Variants in ZNF606 observed in about 807,000 individuals in gnomAD.
The protein encoded by ZNF606 is zinc finger protein 606, also known as zinc finger protein 328.
A neutral mutation model predicts 74.9 loss-of-function variants in ZNF606; 37 were observed. That is an observed-to-expected ratio of 0.49 (90% confidence interval 0.38 to 0.65). ZNF606 has a LOEUF of 0.65. Among genes scored for constraint, ZNF606 ranks in the 30% least tolerant of loss-of-function variants. The probability of loss-of-function intolerance (pLI) is 0.00; values close to 1 mark genes in which losing one functional copy is unlikely to be tolerated. For synonymous variants in ZNF606, 328 were observed against 312.4 expected (o/e 1.05, Z -0.53); for missense variants, 852 against 952.9 (o/e 0.89, Z 1.39).
chr19:57,977,473 G>A lies in ZNF606; in HGVS notation c.*828C>T, dbSNP rs1409780326. On this transcript the variant is annotated 3_prime_UTR_variant, in exon 7 of 7. Transcript: ENST00000551380. ...TATACATTTTTTTAGATGTGTTACA[G>A]TAAGTATGTATATACAATTCTGTAT... is the stretch of plus-strand genomic sequence containing the variant. 1.3e-5 allele frequency: 2 copies of A among 152,172 alleles called. No individual in the cohort carries two copies. Among genetic ancestry groups the A allele is most frequent in the African/African-American group, 4.8e-5 (2 of 41,438 alleles). 9.4% of individuals were successfully genotyped at this position (152,172 alleles called of 1,614,324 possible). A position where few individuals can be genotyped will look rare whatever the true frequency, so the allele number is the denominator to read the frequency against.
rs2123249760 is a variant in ZNF606 at position 57,977,427 on chromosome 19, G to C, written c.*874C>G. 1 of 152,270 alleles carries C rather than the reference G, an allele frequency of 6.6e-6. No individual in the cohort carries two copies. Among genetic ancestry groups the C allele is most frequent in the East Asian group, 1.9e-4 (1 of 5,180 alleles). 9.4% of individuals were successfully genotyped at this position (152,270 alleles called of 1,614,324 possible). A position where few individuals can be genotyped will look rare whatever the true frequency, so the allele number is the denominator to read the frequency against. On this transcript the variant is annotated 3_prime_UTR_variant, in exon 7 of 7. Transcript: ENST00000551380. ...TCTCAACTGGGTTAACTTTTCCATG[G>C]ATCTTTCAGGTCCTTACCCATATAC... is the stretch of plus-strand genomic sequence containing the variant.
chr19:58,003,241 T>C (rs61744325), upstream of ZNF606: 5,206 of 456,740 alleles, frequency 0.011, 254 homozygotes, highest in African/African-American at 0.095. Context: ...TACCCTTCTC[T>C]GTGAAGCTCG....
chr19:57,978,274 T>C lies in ZNF606; in HGVS notation c.*27A>G. ...GTTTTCCTCAATGTGTTGTCAAATG[T>C]ACAAGAAACGAAAAACTCGCATAAA... On this transcript the variant is annotated 3_prime_UTR_variant, in exon 7 of 7. Coordinates refer to ENST00000551380, the MANE Select transcript of ZNF606 (RefSeq NM_001348022.3). This position sits in a 1 kb window ranked among gnomAD's most constrained non-coding sequence, Gnocchi z 4.4. 1.3e-6 allele frequency: 2 copies of C among 1,532,000 alleles called. No individual in the cohort carries two copies. The highest frequency in any genetic ancestry group is 1.8e-6 in the Non-Finnish European group (2 of 1,140,896). The allele number at this position is 1,532,000 out of a possible 1,614,324, so 94.9% of individuals were successfully genotyped here.
In ZNF606 at chr19:57,979,078, A is replaced by G; in HGVS notation, c.1602T>C (p.His534=). ...SSHLIAHMRM[H]TGEKPFKCDE... Reference sequence around the variant, plus strand: ...CACATTTAAAGGGTTTCTCTCCAGTATGCATTCTCATATGGGCAATAAGAT... The same window carrying G: ...CACATTTAAAGGGTTTCTCTCCAGTGTGCATTCTCATATGGGCAATAAGAT... Residue 534 remains histidine, a synonymous_variant, in exon 7 of 7, where the codon CAT becomes CAC. Coordinates refer to ENST00000551380, the MANE Select transcript of ZNF606 (RefSeq NM_001348022.3). 1 of 1,613,728 alleles carries G rather than the reference A, an allele frequency of 6.2e-7. No individual in the cohort carries two copies. Among genetic ancestry groups the G allele is most frequent in the Non-Finnish European group, 8.5e-7 (1 of 1,179,936 alleles).
intron 6 of ZNF606, 115 bp downstream of exon 6, chr19:57,988,092 C>T (rs1461141540): frequency 1.3e-6 from 1 of 767,516 alleles, no homozygotes; most frequent in African/African-American, 1.8e-5. Flanking sequence ...AAGAAAGCTC[C>T]TTAGAGGGAA....
chr19:57,991,275 C>T (rs2073255130), intron 4 of ZNF606, among the ~76,000 whole-genome samples: 1 of 152,168 alleles, frequency 6.6e-6, no homozygotes, highest in South Asian at 2.1e-4. Flanking sequence ...CAAGCTCTCA[C>T]CAAGATCTCC....
At chr19:57,990,051 CAAAAAAAAAAA>C (rs1159494660) in intron 4 of ZNF606, among the ~76,000 whole-genome samples, 12 of 13,840 alleles carry the variant, frequency 8.7e-4, no homozygotes, top group African/African-American at 2.0e-3. Flanking sequence ...GACTCCATCT[CAAAAAAAAAAA>C]AAAAAAAAAA....
chr19:57,980,512 T>G (rs922866790), intron 6 of ZNF606, among the ~76,000 whole-genome samples: 16 of 152,180 alleles, frequency 1.1e-4, no homozygotes, highest in Admixed American at 3.3e-4. Flanking sequence ...TTAAAAGTAC[T>G]TTCCATGAAA....
Position 57,979,675 on chromosome 19 carries a change from G to A in ZNF606, c.1005C>T (p.His335=). Residue 335 remains histidine (H), a synonymous_variant, in exon 7 of 7, where the codon CAC becomes CAT. Coordinates refer to ENST00000551380, the MANE Select transcript of ZNF606 (RefSeq NM_001348022.3). ...IFNQSPSFNE[H]PRLHVGENQY... is the part of the protein sequence containing the mutation. ...GGTTTTCTCCAACATGAAGCCTTGGGTGTTCATTAAATGATGGGCTCTGGT... is the reference window on the plus strand; with the variant it reads ...GGTTTTCTCCAACATGAAGCCTTGGATGTTCATTAAATGATGGGCTCTGGT... 3.7e-6 allele frequency: 6 copies of A among 1,613,614 alleles called. No individual in the cohort carries two copies. The highest frequency in any genetic ancestry group is 5.1e-6 in the Non-Finnish European group (6 of 1,179,962).
rs2123361225 is a variant in ZNF606 at position 58,002,577 on chromosome 19, G to A, written c.-233C>T. The A allele has an allele frequency of 2.3e-6, 1 of 437,054 alleles. No homozygotes were observed. The highest frequency in any genetic ancestry group is 4.6e-6 in the Non-Finnish European group (1 of 217,980). The allele number at this position is 437,054 out of a possible 1,614,324, so 27.1% of individuals were successfully genotyped here. A position where few individuals can be genotyped will look rare whatever the true frequency, so the allele number is the denominator to read the frequency against. On this transcript the variant is annotated 5_prime_UTR_variant, in exon 1 of 7. The change creates a new upstream start codon in the 5' untranslated region. Transcript: ENST00000551380. ...CGTGCAGCAGAGTTCACCCAGGCCC[G>A]TCCGACCAGAAAACGAAGAACGCCC...
In ZNF606 at chr19:57,983,792, G is replaced by A. The variant is rs183347312; in HGVS notation, c.401-3513C>T. Among the ~76,000 whole-genome samples, 6 of 152,206 alleles carry A rather than the reference G, an allele frequency of 3.9e-5. No homozygotes were observed. In the East Asian group the frequency reaches 9.7e-4, roughly 25 times the overall value. On this transcript the variant is annotated intron_variant, in intron 6 of 6. Coordinates refer to ENST00000551380, the MANE Select transcript of ZNF606 (RefSeq NM_001348022.3). ...CAGCATGAGCAGAGGCATGCATGGC[G>A]TGACCAGTGTGTGAGGAGGAAGATA...
At chr19:57,988,996 A>G (rs1463189953) in intron 4 of ZNF606, among the ~76,000 whole-genome samples, 1 of 152,180 alleles carries the variant, frequency 6.6e-6, no homozygotes, top group African/African-American at 2.4e-5. Context: ...ATTCCAGCAC[A>G]CTGGCTATGT....
At chr19:57,995,744 G>A (rs771766161) in intron 4 of ZNF606, among the ~76,000 whole-genome samples, 9 of 152,090 alleles carry the variant, frequency 5.9e-5, no homozygotes, top group African/African-American at 1.4e-4. Context: ...CTTTGAACCC[G>A]GGAGGCGGAG....
In ZNF606 at chr19:57,988,626, C is replaced by A; in HGVS notation, c.273G>T (p.Met91Ile). 6.2e-7 allele frequency: 1 copy of A among 1,614,144 alleles called. No homozygotes were observed. Among genetic ancestry groups the A allele is most frequent in the Non-Finnish European group, 8.5e-7 (1 of 1,180,012 alleles). Residue 91 changes from methionine to isoleucine, a missense_variant, in exon 5 of 7, where the codon ATG becomes ATT. By Grantham distance (10) the Met-to-Ile change is conservative. Coordinates refer to ENST00000551380, the MANE Select transcript of ZNF606 (RefSeq NM_001348022.3). The part of the protein sequence containing the change: ...LVQRTLYRDV[M>I]LETYGHLLSV... ...AGAGCAGGTGACCATAGGTCTCCAG[C>A]ATCACATCACGGTACAGGGTCCTCT...
chr19:57,991,003 G>A lies in ZNF606; in HGVS notation c.178-2282C>T, dbSNP rs945797527. 2.6e-5 allele frequency among the ~76,000 whole-genome samples: 4 copies of A among 151,920 alleles called. No individual in the cohort carries two copies. In the South Asian group the frequency reaches 6.2e-4, roughly 24 times the overall value. On this transcript the variant is annotated intron_variant, in intron 4 of 6. Transcript: ENST00000551380. ...TCGAAGACACAGAATCATCCCTCCTGCAGCCTCACACCCCATGTAGAGACG... is the reference window on the plus strand; with the variant it reads ...TCGAAGACACAGAATCATCCCTCCTACAGCCTCACACCCCATGTAGAGACG...
At position 57,977,959 on chromosome 19, in the gene ZNF606, T is replaced by C; in HGVS notation, c.*342A>G. 5.5e-6 allele frequency: 1 copy of C among 182,636 alleles called. No homozygotes were observed. Among genetic ancestry groups the C allele is most frequent in the African/African-American group, 2.3e-5 (1 of 42,594 alleles). The allele number at this position is 182,636 out of a possible 1,614,324, so 11.3% of individuals were successfully genotyped here. A position where few individuals can be genotyped will look rare whatever the true frequency, so the allele number is the denominator to read the frequency against. On this transcript the variant is annotated 3_prime_UTR_variant, in exon 7 of 7. Coordinates refer to ENST00000551380, the MANE Select transcript of ZNF606 (RefSeq NM_001348022.3). ...TTTTCTCTGCATAAGGTTTTTCCCT[T>C]AGCAATTCACACCAATCTACAATTG...
intron 4 of ZNF606, among the ~76,000 whole-genome samples, chr19:57,989,284 C>G (rs923783976): frequency 6.6e-6 from 1 of 151,662 alleles, no homozygotes; most frequent in Admixed American, 6.6e-5. Context: ...CAAGGAGAAT[C>G]GGTTACAGCT....
chr19:58,002,914 G>A (rs927594951), upstream of ZNF606: 22 of 445,174 alleles, frequency 4.9e-5, no homozygotes, highest in East Asian at 8.5e-4. Context: ...CCTGGGCCGC[G>A]CCGCCTCGCC....
Position 57,979,384 on chromosome 19 carries a change from T to G in ZNF606, c.1296A>C (p.Lys432Asn). 1 of 1,613,286 alleles carries G rather than the reference T, an allele frequency of 6.2e-7. No homozygotes were observed. The highest frequency in any genetic ancestry group is 8.5e-7 in the Non-Finnish European group (1 of 1,179,638). Residue 432 changes from lysine (K) to asparagine (N), a missense_variant, in exon 7 of 7, where the codon AAA (lysine) becomes AAC (asparagine). Around this residue, in one of 3 missense-constraint regions of ZNF606, gnomAD observed 545 missense variants for 542.5 expected, o/e 1.00. Coordinates refer to ENST00000551380, the MANE Select transcript of ZNF606 (RefSeq NM_001348022.3). ...AGCGATTCCTAAAAACTTTTCCACATTTATCACATTCATAGGGTTTTTCTC... is the reference window on the plus strand; with the variant it reads ...AGCGATTCCTAAAAACTTTTCCACAGTTATCACATTCATAGGGTTTTTCTC... Reference protein sequence around the residue: ...HTGEKPYECDKCGKVFRNRSA... With the variant: ...HTGEKPYECDNCGKVFRNRSA...
Sources: gnomAD v4.1 joint callset for allele counts (sites outside exome capture counted in the v4.1 genomes callset) on GRCh38, gnomAD v4.1.1 for gene constraint, gnomAD v4.1.1 regional missense constraint, Gnocchi (gnomAD v3.1) non-coding constraint, MANE v1.5 for transcripts, NCBI Gene and HGNC (gene_info 2026-07-23, HGNC 2026-07-21) for gene names.